DAAM2: variants seen among roughly 807,000 people sequenced by gnomAD.
DAAM2 encodes dishevelled associated activator of morphogenesis 2.
DAAM2 carries 39 observed loss-of-function variants against 120.7 expected under a neutral mutation model. The observed-to-expected ratio is 0.32, with a 90% CI of 0.25 to 0.42. The LOEUF is 0.42. DAAM2 is among the 10% of genes least tolerant of loss of function. The pLI is 1.00. For missense variants in DAAM2, 1,283 were observed against 1,401.7 expected, an observed-to-expected ratio of 0.92 and a Z score of 1.35; for synonymous variants, 488 against 524.9, an observed-to-expected ratio of 0.93 and a Z score of 0.96.
chr6:39,805,279 T>G (rs1016912173), intron 1 of DAAM2, among the ~76,000 whole-genome samples: 1 of 152,008 alleles, frequency 6.6e-6, no homozygotes, highest in African/African-American at 2.4e-5. Context: ...GAGTGTAGTC[T>G]TGGAAACTGA....
intron 1 of DAAM2, among the ~76,000 whole-genome samples, chr6:39,849,812 T>G (rs1314033422): frequency 6.6e-6 from 1 of 151,418 alleles, no homozygotes; most frequent in African/African-American, 2.4e-5. Flanking sequence ...GGGCAGAGAG[T>G]CTGGTAGTGT....
In DAAM2 at chr6:39,855,955, C is replaced by A. The variant is rs925002137; in HGVS notation, c.-56-292C>A. ...GTCACATGGAAGTCACATTCAGTGACCCCAGCCTTTGTCCTTCTCTGAGGG... is the reference window on the plus strand; with the variant it reads ...GTCACATGGAAGTCACATTCAGTGAACCCAGCCTTTGTCCTTCTCTGAGGG... On this transcript the variant is annotated intron_variant, in intron 1 of 24. Transcript: ENST00000274867. 67 of 848,144 alleles carry A rather than the reference C, an allele frequency of 7.9e-5. 1 individual carries two copies. The Middle Eastern group carries it at 1.8e-3, about 23-fold the overall frequency. The allele number at this position is 848,144 out of a possible 1,614,324, so 52.5% of individuals were successfully genotyped here.
chr6:39,847,099 A>G (rs931064332), intron 1 of DAAM2, among the ~76,000 whole-genome samples: 5 of 152,172 alleles, frequency 3.3e-5, no homozygotes, highest in Non-Finnish European at 5.9e-5. Context: ...TGTACTGCAG[A>G]AGGCACAGCC....
intron 1 of DAAM2, among the ~76,000 whole-genome samples, chr6:39,803,478 A>G (rs193281395): frequency 1.3e-4 from 20 of 152,270 alleles, no homozygotes; most frequent in Admixed American, 2.6e-4. Flanking sequence ...TTTCGCTTAC[A>G]CTGTTTCACC....
chr6:39,901,464 GA>G lies in DAAM2; in HGVS notation c.2976del (p.Ala993ProfsTer3). On this transcript the variant is annotated frameshift_variant, in exon 24 of 25. Transcript: ENST00000274867. LOFTEE classifies it high-confidence loss of function. The surrounding 1 kb of genome is among the most constrained non-coding windows in gnomAD (Gnocchi z 4.5). ...KEEEERRARM[E>X]AMLKEQRERE... ...GGAGGAGGAGCGGCGGGCGCGCATGGAAGCCATGGTGAGGGGCAGTGCCAGG... is the reference window on the plus strand; with the variant it reads ...GGAGGAGGAGCGGCGGGCGCGCATGGAGCCATGGTGAGGGGCAGTGCCAGG... 1 of 1,606,768 alleles carries G rather than the reference GA, an allele frequency of 6.2e-7. No individual in the cohort carries two copies. Among genetic ancestry groups the G allele is most frequent in the Non-Finnish European group, 8.5e-7 (1 of 1,179,276 alleles).
At chr6:39,867,919 T>G in intron 6 of DAAM2, 76 bp downstream of exon 6, 1 of 1,297,152 alleles carries the variant, frequency 7.7e-7, no homozygotes, top group Non-Finnish European at 1.1e-6. Flanking sequence ...AGCCTGAAGA[T>G]TCTTTGCAGC....
intron 9 of DAAM2, among the ~76,000 whole-genome samples, chr6:39,872,685 A>G (rs1392028226): frequency 6.6e-6 from 1 of 152,250 alleles, no homozygotes; most frequent in Non-Finnish European, 1.5e-5. Flanking sequence ...CCCTGGATTT[A>G]TAGATACAGA....
chr6:39,850,424 T>C lies in DAAM2; in HGVS notation c.-56-5823T>C, dbSNP rs866422688. On this transcript the variant is annotated intron_variant, in intron 1 of 24. Coordinates refer to ENST00000274867, the MANE Select transcript of DAAM2 (RefSeq NM_001201427.2). ...CTGCCCAAACACCTCGTTCTCTAAC[T>C]CTCCTTGTTGTCACTGCCTGGACTC... Among the ~76,000 whole-genome samples, 48 of 152,060 alleles carry C rather than the reference T, an allele frequency of 3.2e-4. 1 individual carries two copies. Among genetic ancestry groups the C allele is most frequent in the Admixed American group, 2.1e-3 (32 of 15,262 alleles).
At position 39,875,472 on chromosome 6, in the gene DAAM2, A is replaced by C. The variant is rs752221464; in HGVS notation, c.1301+4A>C. 1.9e-5 allele frequency: 30 copies of C among 1,612,226 alleles called. No homozygotes were observed. The highest frequency in any genetic ancestry group is 2.5e-5 in the Non-Finnish European group (29 of 1,178,954). On this transcript the variant is annotated splice_donor_region_variant and intron_variant, in intron 11 of 24. Transcript: ENST00000274867. ...ATGTCAAGAACATCGTCAACATGTG[A>C]GCAGTGGCCAGCCTTTGCCCTGTCT...
intron 1 of DAAM2, among the ~76,000 whole-genome samples, chr6:39,804,522 CTGTGTGTGTG>C (rs10688621): frequency 5.2e-4 from 77 of 149,452 alleles, no homozygotes; most frequent in Non-Finnish European, 9.5e-4. Context: ...GAGATCAGTT[CTGTGTGTGTG>C]TGTGTGTGTG....
Position 39,879,486 on chromosome 6 carries a change from C to G in DAAM2, c.1845+9C>G, listed in dbSNP as rs969188293. On this transcript the variant is annotated intron_variant, in intron 14 of 24. Coordinates refer to ENST00000274867, the MANE Select transcript of DAAM2 (RefSeq NM_001201427.2). ...GGGTGAAGCTGAATGAGGTGAGCATCTGGGAAGGGGCTGGAGGGCCCATTC... is the reference window on the plus strand; with the variant it reads ...GGGTGAAGCTGAATGAGGTGAGCATGTGGGAAGGGGCTGGAGGGCCCATTC... The G allele has an allele frequency of 1.2e-6, 2 of 1,614,044 alleles. No individual in the cohort carries two copies. The highest frequency in any genetic ancestry group is 1.7e-6 in the Non-Finnish European group (2 of 1,179,904).
At chr6:39,803,098 A>T (rs1291252467) in intron 1 of DAAM2, among the ~76,000 whole-genome samples, 1 of 152,186 alleles carries the variant, frequency 6.6e-6, no homozygotes, top group Non-Finnish European at 1.5e-5. Flanking sequence ...GTTGATGGGC[A>T]TTTGAGTGGT....
At chr6:39,824,104 C>G (rs1562005665) in intron 1 of DAAM2, among the ~76,000 whole-genome samples, 1 of 152,188 alleles carries the variant, frequency 6.6e-6, no homozygotes, top group East Asian at 1.9e-4. Context: ...TATTTCAGCT[C>G]TGGGGGCCTT....
At chr6:39,813,274 GT>G (rs1024118132) in intron 1 of DAAM2, among the ~76,000 whole-genome samples, 1 of 152,150 alleles carries the variant, frequency 6.6e-6, no homozygotes, top group Non-Finnish European at 1.5e-5. Flanking sequence ...CCTCTAGTGA[GT>G]TTTTGGGGTG....
chr6:39,798,312 C>A (rs916424884), intron 1 of DAAM2, among the ~76,000 whole-genome samples: 1 of 152,160 alleles, frequency 6.6e-6, no homozygotes. Flanking sequence ...AATAAAATAC[C>A]TCCCTCATAG....
At chr6:39,869,317 G>A (rs1764556044) in intron 7 of DAAM2, among the ~76,000 whole-genome samples, 1 of 152,174 alleles carries the variant, frequency 6.6e-6, no homozygotes, top group Non-Finnish European at 1.5e-5. Context: ...GGGCGTGGTG[G>A]CTCATGCCTG....
At chr6:39,868,685 A>G in intron 6 of DAAM2, 138 bp from the exon 7 acceptor site, 1 of 655,764 alleles carries the variant, frequency 1.5e-6, no homozygotes. Flanking sequence ...AGCCCAGAGT[A>G]AATTGGACAG....
In DAAM2 at chr6:39,879,379, C is replaced by T; in HGVS notation, c.1747C>T (p.Gln583Ter). 1 of 1,613,640 alleles carries T rather than the reference C, an allele frequency of 6.2e-7. No individual in the cohort carries two copies. Among genetic ancestry groups the T allele is most frequent in the Non-Finnish European group, 8.5e-7 (1 of 1,179,758 alleles). The part of the protein sequence containing the change: ...PCLGMGLPLP[Q>*]DPYPSSDVPL... ...CCTCGGCATGGGCCTGCCCCTCCCT[C>T]AGGACCCCTACCCCAGCAGTGACGT... Residue 583 changes from glutamine (Q) to a stop codon, truncating the protein, a stop_gained, in exon 14 of 25, where the codon CAG becomes TAG. Transcript: ENST00000274867. LOFTEE classifies it high-confidence loss of function.
chr6:39,830,060 T>C (rs958034287), intron 1 of DAAM2, among the ~76,000 whole-genome samples: 8 of 152,160 alleles, frequency 5.3e-5, no homozygotes, highest in Non-Finnish European at 7.4e-5. Context: ...CTCACATTTG[T>C]ACCCCCTTTC....
Sources: allele counts gnomAD v4.1 joint callset (sites outside exome capture counted in the v4.1 genomes callset), GRCh38; gene constraint gnomAD v4.1.1; non-coding constraint Gnocchi (gnomAD v3.1); transcripts MANE v1.5; gene names NCBI Gene and HGNC (gene_info 2026-07-23, HGNC 2026-07-21).